IL1RAPL2: variants seen among roughly 807,000 people sequenced by gnomAD.
The protein encoded by IL1RAPL2 is interleukin 1 receptor accessory protein like 2.
Under a neutral mutation model 44.1 loss-of-function variants are expected in IL1RAPL2, and 3 were observed. The ratio of observed to expected loss-of-function variants is 0.07; its 90% CI spans 0.03 to 0.18. The LOEUF is 0.18. IL1RAPL2 is among the 10% of genes least tolerant of loss of function. The pLI is 1.00. For synonymous variants in IL1RAPL2, 181 were observed against 178.8 expected (o/e 1.01, Z -0.10); for missense variants, 391 against 496.4 (o/e 0.79, Z 2.02).
intron 2 of IL1RAPL2, among the ~76,000 whole-genome samples, chrX:104,710,303 C>T (rs149344827): frequency 5.4e-5 from 6 of 110,857 alleles, no homozygotes; most frequent in African/African-American, 1.6e-4. Flanking sequence ...ATTATTTAGC[C>T]GTAAAAGGTA....
chrX:104,942,126 G>A (rs1475197722), intron 2 of IL1RAPL2, among the ~76,000 whole-genome samples: 1 of 111,836 alleles, frequency 8.9e-6, no homozygotes, highest in African/African-American at 3.3e-5. Flanking sequence ...TTTGAAGTCA[G>A]GTAGCATGAT....
chrX:105,731,747 A>C (rs2038408217), intron 7 of IL1RAPL2, among the ~76,000 whole-genome samples: 1 of 110,974 alleles, frequency 9.0e-6, no homozygotes, highest in Non-Finnish European at 1.9e-5. Flanking sequence ...AATTGATTTC[A>C]TGAAGGTAGA....
At chrX:105,360,904 T>A (rs778274024) in intron 5 of IL1RAPL2, among the ~76,000 whole-genome samples, 1 of 111,656 alleles carries the variant, frequency 9.0e-6, no homozygotes, top group Non-Finnish European at 1.9e-5. Flanking sequence ...AATATTAAAG[T>A]GTTTGAAGCC....
intron 2 of IL1RAPL2, among the ~76,000 whole-genome samples, chrX:104,985,190 C>T (rs765241477): frequency 1.4e-4 from 15 of 109,988 alleles, no homozygotes; most frequent in African/African-American, 5.0e-4. Flanking sequence ...CGGGTTCAAG[C>T]GATTCTTGTG....
At chrX:104,901,150 C>A (rs1250011125) in intron 2 of IL1RAPL2, among the ~76,000 whole-genome samples, 2 of 98,859 alleles carry the variant, frequency 2.0e-5, no homozygotes, top group East Asian at 7.2e-4. Flanking sequence ...TTTCTGTGAA[C>A]ATTTTAAAAT....
At chrX:105,169,569 G>GTCTTGGCTCACTGCAACCTCCACT (rs1320699125) in intron 2 of IL1RAPL2, among the ~76,000 whole-genome samples, 1 of 94,302 alleles carries the variant, frequency 1.1e-5, no homozygotes, top group African/African-American at 4.2e-5. Context: ...CAGTGGTGCG[G>GTCTTGGCTCACTGCAACCTCCACT]TCTTGGCTCA....
rs2037170416 is a variant in IL1RAPL2 at position 105,591,355 on chromosome X, T to A, written c.772+106968T>A. Among the ~76,000 whole-genome samples the A allele has an allele frequency of 3.6e-5, 4 of 110,613 alleles. No individual in the cohort carries two copies. In the South Asian group the frequency reaches 1.6e-3, roughly 43 times the overall value. ...GGGATCTATCAATCTTATTTACTTT[T>A]TTGAAGAGCCTACTTCTGGTGTCTT... is the stretch of plus-strand genomic sequence containing the variant. On this transcript the variant is annotated intron_variant, in intron 6 of 10. Transcript: ENST00000372582.
chrX:104,754,021 C>T (rs1157307316), intron 2 of IL1RAPL2, among the ~76,000 whole-genome samples: 1 of 111,109 alleles, frequency 9.0e-6, no homozygotes, highest in African/African-American at 3.3e-5. Context: ...CTTCAAAGTA[C>T]GTTGTGGATG....
chrX:105,679,791 A>G (rs1377805910), intron 6 of IL1RAPL2, among the ~76,000 whole-genome samples: 3 of 111,613 alleles, frequency 2.7e-5, no homozygotes, highest in Admixed American at 9.5e-5. Context: ...ATCAAAAAAT[A>G]AGACATATCA....
intron 6 of IL1RAPL2, among the ~76,000 whole-genome samples, chrX:105,714,837 A>G (rs1038589866): frequency 8.9e-6 from 1 of 112,316 alleles, no homozygotes; most frequent in Non-Finnish European, 1.9e-5. Context: ...CTCATATACA[A>G]GTTATGACTT....
intron 5 of IL1RAPL2, among the ~76,000 whole-genome samples, chrX:105,370,001 T>G (rs1173572155): frequency 8.9e-6 from 1 of 112,095 alleles, no homozygotes; most frequent in Admixed American, 9.5e-5. Flanking sequence ...CATAAAAATC[T>G]GTTTAGCTTC....
chrX:105,610,528 T>C (rs1249856470), intron 6 of IL1RAPL2, among the ~76,000 whole-genome samples: 1 of 111,753 alleles, frequency 8.9e-6, no homozygotes, highest in Non-Finnish European at 1.9e-5. Context: ...TTTTAAAATA[T>C]AGATTTGTTT....
At chrX:105,387,758 A>G in intron 5 of IL1RAPL2, among the ~76,000 whole-genome samples, 1 of 111,192 alleles carries the variant, frequency 9.0e-6, no homozygotes, top group African/African-American at 3.3e-5. Context: ...GCATTTATAT[A>G]CTTTAAACAC....
At chrX:105,605,359 A>T (rs1397574146) in intron 6 of IL1RAPL2, among the ~76,000 whole-genome samples, 1 of 111,651 alleles carries the variant, frequency 9.0e-6, no homozygotes, top group Non-Finnish European at 1.9e-5. Flanking sequence ...TACAAGAGCT[A>T]AAAAATAAAA....
At chrX:105,673,488 G>A (rs2037841912) in intron 6 of IL1RAPL2, among the ~76,000 whole-genome samples, 2 of 111,416 alleles carry the variant, frequency 1.8e-5, no homozygotes, top group African/African-American at 6.5e-5. Flanking sequence ...TCCCTGCAAA[G>A]GACATGATCT....
intron 2 of IL1RAPL2, among the ~76,000 whole-genome samples, chrX:105,026,567 T>C (rs1190124116): frequency 9.0e-6 from 1 of 110,696 alleles, no homozygotes; most frequent in Non-Finnish European, 1.9e-5. Flanking sequence ...GAACAATCTG[T>C]AAAACAAAAA....
intron 6 of IL1RAPL2, among the ~76,000 whole-genome samples, chrX:105,512,774 T>C (rs1187525277): frequency 9.0e-6 from 1 of 111,332 alleles, no homozygotes; most frequent in Non-Finnish European, 1.9e-5. Flanking sequence ...CAGATGACTA[T>C]ATATATTTTT....
At chrX:105,390,449 A>G (rs1250648887) in intron 5 of IL1RAPL2, among the ~76,000 whole-genome samples, 3 of 111,996 alleles carry the variant, frequency 2.7e-5, no homozygotes, top group African/African-American at 9.7e-5. Flanking sequence ...CATTTAATAA[A>G]TGTTGAATAA....
chrX:105,689,976 C>T (rs1271389942), intron 6 of IL1RAPL2, among the ~76,000 whole-genome samples: 2 of 111,188 alleles, frequency 1.8e-5, no homozygotes, highest in Admixed American at 1.9e-4. Context: ...GGACAGAAAA[C>T]CAAACACTGC....
Sources: allele counts gnomAD v4.1 joint callset (sites outside exome capture counted in the v4.1 genomes callset), GRCh38; gene constraint gnomAD v4.1.1; transcripts MANE v1.5; gene names NCBI Gene and HGNC (gene_info 2026-07-23, HGNC 2026-07-21).